PBRM1: variants seen among roughly 807,000 people sequenced by gnomAD.
PBRM1 encodes protein polybromo-1.
PBRM1 carries 27 observed loss-of-function variants against 194.5 expected under a neutral mutation model. That is an observed-to-expected ratio of 0.14 (90% CI 0.10 to 0.19). PBRM1 has a LOEUF of 0.19. Ranked by LOEUF, PBRM1 falls within the 10% of genes least tolerant of loss-of-function variation. PBRM1 has a pLI of 1.00. For missense variants in PBRM1, 1,466 were observed against 2,077.2 expected, an observed-to-expected ratio of 0.71 and a Z score of 5.72; for synonymous variants, 655 against 693.2, an observed-to-expected ratio of 0.94 and a Z score of 0.87.
chr3:52,622,478 G>A (rs2095314511), intron 13 of PBRM1, among the ~76,000 whole-genome samples: 1 of 152,204 alleles, frequency 6.6e-6, no homozygotes, highest in Non-Finnish European at 1.5e-5. Flanking sequence ...ATCAAAATAA[G>A]TATATTACAA....
At chr3:52,675,520 G>A (rs1254910612) in intron 2 of PBRM1, among the ~76,000 whole-genome samples, 2 of 152,216 alleles carry the variant, frequency 1.3e-5, no homozygotes, top group African/African-American at 4.8e-5. Context: ...CCATAACCAG[G>A]TGGGATTTAT....
chr3:52,564,200 A>G (rs924732981), exon 23 of PBRM1: 2 of 1,613,862 alleles, frequency 1.2e-6, no homozygotes, highest in Non-Finnish European at 1.7e-6. Context: ...CCTGCAGGAG[A>G]GGAAGTCCTT....
chr3:52,588,958 T>A, intron 18 of PBRM1, 112 bp downstream of exon 20: 1 of 723,082 alleles, frequency 1.4e-6, no homozygotes, highest in Non-Finnish European at 2.4e-6. Context: ...TATTGAACAA[T>A]TATTATGGAA....
intron 15 of PBRM1, among the ~76,000 whole-genome samples, chr3:52,612,776 T>C (rs1325150452): frequency 2.0e-5 from 3 of 151,976 alleles, no homozygotes; most frequent in Non-Finnish European, 2.9e-5. Flanking sequence ...CATGGTGGCG[T>C]GTCCCTGTAG....
At chr3:52,678,330 T>C (rs2097147879) in intron 2 of PBRM1, among the ~76,000 whole-genome samples, 170 bp downstream of exon 3, 1 of 152,092 alleles carries the variant, frequency 6.6e-6, no homozygotes, top group African/African-American at 2.4e-5. Context: ...AGATTTTTAA[T>C]TTAAAAAAAG....
intron 2 of PBRM1, among the ~76,000 whole-genome samples, chr3:52,674,183 TTAAC>T (rs1376848209): frequency 1.3e-5 from 2 of 151,202 alleles, no homozygotes; most frequent in East Asian, 2.0e-4. Flanking sequence ...CTTAGCTAGA[TTAAC>T]TAAGAAAGAA....
chr3:52,577,606 C>T (rs947405473), intron 21 of PBRM1, among the ~76,000 whole-genome samples: 2 of 152,078 alleles, frequency 1.3e-5, no homozygotes, highest in African/African-American at 4.8e-5. Context: ...CTGCAACCTT[C>T]CTGTTCCTCA....
At chr3:52,550,902 T>A in intron 27 of PBRM1, 85 bp from the exon 30 acceptor site, 1 of 886,130 alleles carries the variant, frequency 1.1e-6, no homozygotes. Context: ...ATGATGCCAT[T>A]CATAATTCAA....
At chr3:52,648,174 C>A (rs1378890301) in intron 7 of PBRM1, among the ~76,000 whole-genome samples, 170 bp downstream of exon 8, 17 of 152,154 alleles carry the variant, frequency 1.1e-4, no homozygotes, top group Admixed American at 1.1e-3. Flanking sequence ...CACAAAGTGC[C>A]GGGATTACAG....
intron 20 of PBRM1, among the ~76,000 whole-genome samples, chr3:52,579,638 A>C (rs867653739): frequency 3.3e-5 from 5 of 151,930 alleles, no homozygotes; most frequent in Admixed American, 3.3e-4. Flanking sequence ...AAAAAACATA[A>C]AGAGAAACTC....
At chr3:52,684,660 G>C (rs2097280472), upstream of PBRM1, among the ~76,000 whole-genome samples, 1 of 152,138 alleles carries the variant, frequency 6.6e-6, no homozygotes, top group African/African-American at 2.4e-5. Flanking sequence ...GTTCTTCCAA[G>C]TCAACATTCT....
intron 23 of PBRM1, 111 bp from the exon 26 acceptor site, chr3:52,563,604 T>C: frequency 7.0e-6 from 5 of 710,412 alleles, no homozygotes; most frequent in Non-Finnish European, 7.5e-6. Context: ...ATCTGCAATA[T>C]ATGCTCTAAA....
At chr3:52,684,258 T>C (rs1025827343), upstream of PBRM1, among the ~76,000 whole-genome samples, 14 of 151,308 alleles carry the variant, frequency 9.3e-5, no homozygotes, top group South Asian at 8.4e-4. Context: ...GATTCCAGAG[T>C]TCAATGCCAA....
rs191039949 is a variant in PBRM1 at position 52,556,159 on chromosome 3, T to A, written c.4454-1280A>T. ...ACTTTCCCTGAAGATTTCAAACATATTTATTTATAAAAGTTTAGTCTTTTA... is the reference window on the plus strand; with the variant it reads ...ACTTTCCCTGAAGATTTCAAACATAATTATTTATAAAAGTTTAGTCTTTTA... On this transcript the variant is annotated intron_variant, in intron 26 of 29. Coordinates refer to ENST00000296302, the Ensembl canonical transcript of PBRM1. Among the ~76,000 whole-genome samples, 613 of 152,354 alleles carry A rather than the reference T, an allele frequency of 4.0e-3. 3 individuals carry two copies. The highest frequency in any genetic ancestry group is 0.023 in the South Asian group (110 of 4,824).
intron 13 of PBRM1, among the ~76,000 whole-genome samples, chr3:52,620,821 T>C (rs996381106): frequency 6.6e-6 from 1 of 152,234 alleles, no homozygotes; most frequent in Non-Finnish European, 1.5e-5. Flanking sequence ...GGATGTGTAA[T>C]TGATTTCCAG....
chr3:52,625,535 C>CT (rs2095418638), intron 13 of PBRM1, among the ~76,000 whole-genome samples: 1 of 148,982 alleles, frequency 6.7e-6, no homozygotes, highest in African/African-American at 2.5e-5. Context: ...GACTTTTTGT[C>CT]TGAAGTAAGA....
At chr3:52,655,970 C>T (rs575531209) in intron 5 of PBRM1, among the ~76,000 whole-genome samples, 16 of 152,196 alleles carry the variant, frequency 1.1e-4, no homozygotes, top group Admixed American at 8.5e-4. Context: ...ACAGCACAGT[C>T]ACTGTCCTCA....
intron 3 of PBRM1, among the ~76,000 whole-genome samples, chr3:52,667,894 T>TAA (rs994498236): frequency 1.5e-5 from 2 of 136,046 alleles, no homozygotes; most frequent in African/African-American, 2.7e-5. Flanking sequence ...ACTCTGTCTC[T>TAA]AAAAAAAAAA....
At chr3:52,615,515 T>C in intron 14 of PBRM1, 59 bp from the exon 17 acceptor site, 1 of 1,054,818 alleles carries the variant, frequency 9.5e-7, no homozygotes, top group South Asian at 1.3e-5. Context: ...AGGTATAAAA[T>C]GCATCCATAA....
Sources: allele counts gnomAD v4.1 joint callset (sites outside exome capture counted in the v4.1 genomes callset), GRCh38; gene constraint gnomAD v4.1.1; transcripts MANE v1.5; gene names NCBI Gene and HGNC (gene_info 2026-07-23, HGNC 2026-07-21).